Variants in ZNF469 observed in about 807,000 individuals in gnomAD.
The protein encoded by ZNF469 is zinc finger protein 469.
In ZNF469, 1 loss-of-function variant was observed where a neutral mutation model predicts 1.0. The ratio of observed to expected loss-of-function variants is 1.00; its 90% CI spans 0.35 to 4.73. The LOEUF (loss-of-function observed/expected upper bound fraction) is 4.73. Ranked by LOEUF, ZNF469 falls within the 30% of genes most tolerant of loss-of-function variation. The pLI is 0.16. For missense variants in ZNF469, 6,100 were observed against 5,356.3 expected, an observed-to-expected ratio of 1.14 and a Z score of -4.33; for synonymous variants, 2,703 against 2,363.4, an observed-to-expected ratio of 1.14 and a Z score of -4.17.
chr16:88,209,157 C>T, the ZNF469 span, among the ~76,000 whole-genome samples: 1 of 152,080 alleles, frequency 6.6e-6, no homozygotes, highest in Admixed American at 6.5e-5. Flanking sequence ...AAACAAAACC[C>T]TACACACACA....
At chr16:88,395,642 A>T (rs919251272) in intron 1 of ZNF469, among the ~76,000 whole-genome samples, 1 of 152,028 alleles carries the variant, frequency 6.6e-6, no homozygotes, top group Non-Finnish European at 1.5e-5. Context: ...ATAACATTAT[A>T]ATGTTATAAT....
Position 88,400,901 on chromosome 16 carries a change from C to T in ZNF469, c.-192+17647C>T, listed in dbSNP as rs562067252. The stretch of plus-strand genomic sequence containing the variant: ...GACCAAGCAGAGGGCCAGGGGGTGG[C>T]GGGGGCAGGAGATGGAGGGGCCCAG... On this transcript the variant is annotated intron_variant, in intron 1 of 2. Transcript: ENST00000565624. Among the ~76,000 whole-genome samples, 13 of 151,580 alleles carry T rather than the reference C, an allele frequency of 8.6e-5. No individual in the cohort carries two copies. The East Asian group carries it at 1.4e-3, about 16-fold the overall frequency.
chr16:88,273,159 G>GGATA, the ZNF469 span, among the ~76,000 whole-genome samples: 1 of 152,106 alleles, frequency 6.6e-6, no homozygotes, highest in Non-Finnish European at 1.5e-5. Flanking sequence ...ATGGATAGCT[G>GGATA]GATAGATAGA....
chr16:88,275,669 C>G, the ZNF469 span, among the ~76,000 whole-genome samples: 2 of 152,210 alleles, frequency 1.3e-5, no homozygotes, highest in Non-Finnish European at 2.9e-5. Flanking sequence ...GCTGCTGGCT[C>G]TGAATCCCAT....
chr16:88,332,112 G>T, the ZNF469 span, among the ~76,000 whole-genome samples: 6 of 152,222 alleles, frequency 3.9e-5, no homozygotes, highest in Non-Finnish European at 7.3e-5. Flanking sequence ...GGGACAGGGA[G>T]TCTCTCTCCA....
chr16:88,412,216 G>A (rs77624092), intron 1 of ZNF469, among the ~76,000 whole-genome samples: 8,371 of 152,262 alleles, frequency 0.055, 257 homozygotes, highest in South Asian at 0.069. Flanking sequence ...TCCAGTCCCA[G>A]GCCCGAAGTA....
the ZNF469 span, among the ~76,000 whole-genome samples, chr16:88,114,474 G>C: frequency 5.4e-5 from 8 of 149,324 alleles, no homozygotes; most frequent in South Asian, 1.2e-3. Flanking sequence ...CACTGACTGC[G>C]GGGGTCTCCG....
chr16:88,149,722 G>C, the ZNF469 span, among the ~76,000 whole-genome samples: 2 of 152,118 alleles, frequency 1.3e-5, no homozygotes, highest in African/African-American at 4.8e-5. Flanking sequence ...CCAGGGCATT[G>C]GGCCTCAGCT....
At chr16:88,256,747 C>T in the ZNF469 span, among the ~76,000 whole-genome samples, 48,154 of 151,194 alleles carry the variant, frequency 0.32, 8,191 homozygotes, top group Middle Eastern at 0.46. Context: ...GTTTTAGCCA[C>T]GCTGTTAGGT....
At chr16:88,188,306 C>G in the ZNF469 span, among the ~76,000 whole-genome samples, 1 of 152,194 alleles carries the variant, frequency 6.6e-6, no homozygotes, top group Admixed American at 6.5e-5. Flanking sequence ...GTGCATCTCA[C>G]TTGGGTAGCA....
chr16:88,251,879 C>T, the ZNF469 span, among the ~76,000 whole-genome samples: 1 of 151,802 alleles, frequency 6.6e-6, no homozygotes, highest in Non-Finnish European at 1.5e-5. Flanking sequence ...TCTTATGGCT[C>T]CAGCTGCTGA....
At chr16:88,335,097 A>G in the ZNF469 span, among the ~76,000 whole-genome samples, 1 of 152,228 alleles carries the variant, frequency 6.6e-6, no homozygotes, top group Admixed American at 6.5e-5. Flanking sequence ...TGGAGGGAGC[A>G]CAGCCCTGCG....
chr16:88,228,202 G>A, the ZNF469 span, among the ~76,000 whole-genome samples: 2 of 152,278 alleles, frequency 1.3e-5, no homozygotes, highest in African/African-American at 4.8e-5. Context: ...GGCTCACTGG[G>A]AGGGTGTGGG....
intron 1 of ZNF469, among the ~76,000 whole-genome samples, chr16:88,402,055 G>A (rs1052862133): frequency 1.3e-5 from 2 of 148,598 alleles, no homozygotes; most frequent in Non-Finnish European, 3.0e-5. Context: ...TGAGTGCATG[G>A]ATGGATGGAT....
At chr16:88,410,669 G>C (rs1272600478) in intron 1 of ZNF469, among the ~76,000 whole-genome samples, 1 of 146,128 alleles carries the variant, frequency 6.8e-6, no homozygotes, top group African/African-American at 2.6e-5. Flanking sequence ...AAGTCACGTG[G>C]TCATGGAGAA....
chr16:88,293,837 G>A, the ZNF469 span, among the ~76,000 whole-genome samples: 2 of 152,310 alleles, frequency 1.3e-5, no homozygotes, highest in East Asian at 3.9e-4. Context: ...GGGGCATGGA[G>A]GGGGCTATGG....
chr16:88,260,025 T>A, the ZNF469 span, among the ~76,000 whole-genome samples: 90,734 of 151,846 alleles, frequency 0.6, 29,124 homozygotes, highest in East Asian at 0.92. This position sits in a 1 kb window ranked among gnomAD's most constrained non-coding sequence, Gnocchi z 4.1. Flanking sequence ...TCACCCAGGC[T>A]GGAGTGCAGT....
At chr16:88,181,655 A>T in the ZNF469 span, among the ~76,000 whole-genome samples, 1 of 152,244 alleles carries the variant, frequency 6.6e-6, no homozygotes, top group African/African-American at 2.4e-5. Flanking sequence ...CTGGCAAGGC[A>T]GTGCTTGGAA....
At chr16:88,304,908 G>T in the ZNF469 span, among the ~76,000 whole-genome samples, 1 of 152,148 alleles carries the variant, frequency 6.6e-6, no homozygotes, top group Non-Finnish European at 1.5e-5. Flanking sequence ...TTTGGACATT[G>T]GCTTGGGATC....
Sources: gnomAD v4.1 joint callset for allele counts (sites outside exome capture counted in the v4.1 genomes callset) on GRCh38, gnomAD v4.1.1 for gene constraint, Gnocchi (gnomAD v3.1) non-coding constraint, MANE v1.5 for transcripts, NCBI Gene and HGNC (gene_info 2026-07-23, HGNC 2026-07-21) for gene names.